MAGI2: variants seen among roughly 807,000 people sequenced by gnomAD.
The protein encoded by MAGI2 is membrane associated guanylate kinase, WW and PDZ domain containing 2.
Under a neutral mutation model 133.3 loss-of-function variants are expected in MAGI2, and 35 were observed. The observed-to-expected ratio is 0.26, with a 90% CI of 0.20 to 0.35. The LOEUF (loss-of-function observed/expected upper bound fraction) is 0.35, where lower values mean the gene tolerates loss of function less well. Ranked by LOEUF, MAGI2 falls within the 10% of genes least tolerant of loss-of-function variation. MAGI2 has a pLI of 1.00. For missense variants in MAGI2, 1,636 were observed against 1,863.4 expected (o/e 0.88, Z 2.25); for synonymous variants, 729 against 710.6 (o/e 1.03, Z -0.41).
At chr7:78,659,194 G>A (rs987116401) in intron 2 of MAGI2, among the ~76,000 whole-genome samples, 4 of 151,976 alleles carry the variant, frequency 2.6e-5, no homozygotes, top group Non-Finnish European at 4.4e-5. Context: ...ACTCACGCCT[G>A]TAATTCAGCA....
intron 6 of MAGI2, among the ~76,000 whole-genome samples, chr7:78,375,575 C>T (rs991918283): frequency 1.3e-5 from 2 of 151,320 alleles, no homozygotes; most frequent in Non-Finnish European, 2.9e-5. Flanking sequence ...GTTGACTAGC[C>T]TTTTTAAAAA....
chr7:78,773,605 C>T (rs1038216265), intron 2 of MAGI2, among the ~76,000 whole-genome samples: 1 of 152,072 alleles, frequency 6.6e-6, no homozygotes, highest in Non-Finnish European at 1.5e-5. Flanking sequence ...GATGTTGGTA[C>T]AAAGTGCTAT....
At chr7:79,258,938 T>C (rs1833886776) in intron 1 of MAGI2, among the ~76,000 whole-genome samples, 1 of 152,252 alleles carries the variant, frequency 6.6e-6, no homozygotes, top group African/African-American at 2.4e-5. Flanking sequence ...TTAACGATTA[T>C]GCAGGATTTA....
intron 3 of MAGI2, chr7:78,615,269 T>C (rs1806954790): frequency 6.6e-6 from 1 of 152,240 alleles, no homozygotes; most frequent in Non-Finnish European, 1.5e-5. Context: ...CTAACCTGTA[T>C]ACACTCTTTG....
chr7:78,239,351 C>T (rs1414357605), intron 10 of MAGI2, among the ~76,000 whole-genome samples: 1 of 152,066 alleles, frequency 6.6e-6, no homozygotes, highest in Non-Finnish European at 1.5e-5. Flanking sequence ...TTGGTCTGGG[C>T]AGTGATTTTT....
intron 2 of MAGI2, among the ~76,000 whole-genome samples, chr7:78,734,487 T>C (rs1821662684): frequency 6.6e-6 from 1 of 152,156 alleles, no homozygotes; most frequent in African/African-American, 2.4e-5. Flanking sequence ...ATTAATTGCA[T>C]TTATGGCCTC....
intron 1 of MAGI2, among the ~76,000 whole-genome samples, chr7:79,136,003 G>GAAAGAGAAAGAAAGAA (rs749343638): frequency 4.9e-5 from 2 of 40,922 alleles, no homozygotes; most frequent in Non-Finnish European, 1.0e-4. Flanking sequence ...AAGAAAGAAA[G>GAAAGAGAAAGAAAGAA]AGAAAGAAAG....
chr7:78,040,251 G>C (rs188835617), intron 21 of MAGI2, among the ~76,000 whole-genome samples: 1 of 152,226 alleles, frequency 6.6e-6, no homozygotes, highest in Non-Finnish European at 1.5e-5. Flanking sequence ...AGGAGGGTAA[G>C]CGACTTCCTT....
chr7:78,419,882 T>G, intron 6 of MAGI2, among the ~76,000 whole-genome samples: 1 of 152,132 alleles, frequency 6.6e-6, no homozygotes, highest in East Asian at 1.9e-4. Context: ...AGAACCACCC[T>G]GTTTATAGCA....
intron 2 of MAGI2, among the ~76,000 whole-genome samples, chr7:78,662,038 ACAGATCTG>A (rs1813016418): frequency 6.6e-6 from 1 of 152,144 alleles, no homozygotes; most frequent in Non-Finnish European, 1.5e-5. Context: ...ACGGGTCATC[ACAGATCTG>A]CAGACATAAA....
chr7:78,595,021 T>A (rs750422309), intron 3 of MAGI2, among the ~76,000 whole-genome samples: 1 of 152,176 alleles, frequency 6.6e-6, no homozygotes, highest in Non-Finnish European at 1.5e-5. Context: ...ACTTTGTAAT[T>A]TTGAGTTGGT....
In MAGI2 at chr7:78,521,669, T is replaced by C. The variant is rs185251584; in HGVS notation, c.539-24A>G. 136 of 1,593,936 alleles carry C rather than the reference T, an allele frequency of 8.5e-5. 3 individuals are homozygous for C. In the African/African-American group the frequency reaches 1.6e-3, roughly 19 times the overall value. On this transcript the variant is annotated intron_variant, in intron 3 of 21. Transcript: ENST00000354212. ...GTCTGCAAACAATACCAAAACATTC[T>C]TGGAGTTAAATATTTCTTCTACCAT...
intron 3 of MAGI2, among the ~76,000 whole-genome samples, chr7:78,549,416 AT>A (rs978150485): frequency 2.0e-5 from 3 of 151,876 alleles, no homozygotes; most frequent in African/African-American, 7.3e-5. Context: ...GATAAGAATT[AT>A]AAAAACCCAA....
intron 2 of MAGI2, among the ~76,000 whole-genome samples, chr7:78,850,980 G>C (rs560180973): frequency 6.6e-6 from 1 of 152,056 alleles, no homozygotes; most frequent in East Asian, 1.9e-4. Context: ...TCACATGACT[G>C]GATGTCTTTT....
chr7:78,136,810 AT>A (rs753970218), intron 16 of MAGI2, among the ~76,000 whole-genome samples: 1 of 152,262 alleles, frequency 6.6e-6, no homozygotes, highest in Non-Finnish European at 1.5e-5. Context: ...AAGGCAGAAC[AT>A]TAGCTAATAA....
chr7:79,014,651 T>C (rs971729347), intron 1 of MAGI2, among the ~76,000 whole-genome samples: 3 of 152,102 alleles, frequency 2.0e-5, no homozygotes, highest in Non-Finnish European at 2.9e-5. Flanking sequence ...ACTAGAGATA[T>C]ACCACTCTAA....
chr7:78,785,364 T>C (rs1826729819), intron 2 of MAGI2, among the ~76,000 whole-genome samples: 1 of 152,256 alleles, frequency 6.6e-6, no homozygotes, highest in African/African-American at 2.4e-5. Flanking sequence ...TATTGGTTTT[T>C]ACAGCCCAAT....
chr7:79,377,131 C>T (rs1446725448), intron 1 of MAGI2, among the ~76,000 whole-genome samples: 3 of 151,778 alleles, frequency 2.0e-5, no homozygotes, highest in South Asian at 2.1e-4. Context: ...TCATAACTAA[C>T]GACTACAACT....
At position 78,700,538 on chromosome 7, in the gene MAGI2, G is replaced by T. The variant is rs10245860; in HGVS notation, c.419-73299C>A. Among the ~76,000 whole-genome samples, 623 of 152,124 alleles carry T rather than the reference G, an allele frequency of 4.1e-3. 6 individuals carry two copies. The highest frequency in any genetic ancestry group is 0.015 in the African/African-American group (604 of 41,534). The stretch of plus-strand genomic sequence containing the variant: ...CTCATCTTTTAAGGTTTTAGTAAAA[G>T]TCCATCTGACAGTGTTTAAACCTGA... On this transcript the variant is annotated intron_variant, in intron 2 of 21. Transcript: ENST00000354212.
Sources: gnomAD v4.1 joint callset for allele counts (sites outside exome capture counted in the v4.1 genomes callset) on GRCh38, gnomAD v4.1.1 for gene constraint, MANE v1.5 for transcripts, NCBI Gene and HGNC (gene_info 2026-07-23, HGNC 2026-07-21) for gene names.